The following SIRPG variants were observed in gnomAD, a reference collection of about 807,000 sequenced individuals.
SIRPG encodes the protein signal-regulatory protein gamma.
Under a neutral mutation model 35.7 loss-of-function variants are expected in SIRPG, and 38 were observed. That is an observed-to-expected ratio of 1.06 (90% CI 0.82 to 1.40). The LOEUF (loss-of-function observed/expected upper bound fraction) is 1.40. Ranked by LOEUF, SIRPG falls within the 40% of genes most tolerant of loss-of-function variation. SIRPG has a pLI of 0.00. For missense variants in SIRPG, 519 were observed against 483.0 expected, an observed-to-expected ratio of 1.07 and a Z score of -0.70; for synonymous variants, 215 against 190.4, an observed-to-expected ratio of 1.13 and a Z score of -1.06.
chr20:1,673,591 A>G, the SIRPG span, among the ~76,000 whole-genome samples: 32 of 152,084 alleles, frequency 2.1e-4, no homozygotes, highest in African/African-American at 7.5e-4. Flanking sequence ...AAAGGCTCAA[A>G]CCCTGCTCCC....
At chr20:1,644,004 G>A (rs1568731351) in intron 2 of SIRPG, among the ~76,000 whole-genome samples, 1 of 152,202 alleles carries the variant, frequency 6.6e-6, no homozygotes, top group Non-Finnish European at 1.5e-5. Flanking sequence ...GCACTCCTGT[G>A]TAGGGTGTCC....
the SIRPG span, among the ~76,000 whole-genome samples, chr20:1,673,796 G>T: frequency 5.9e-5 from 9 of 152,360 alleles, no homozygotes; most frequent in African/African-American, 2.2e-4. Flanking sequence ...ATAGGAAACA[G>T]ATTCCTCCAT....
At chr20:1,665,355 A>G in the SIRPG span, 1 of 164,790 alleles carries the variant, frequency 6.1e-6, no homozygotes. Context: ...GCCCAGGAGG[A>G]GAGCTACAAG....
chr20:1,630,567 C>T (rs966265642), intron 4 of SIRPG: 3 of 402,592 alleles, frequency 7.5e-6, no homozygotes, highest in Non-Finnish European at 8.9e-6. Flanking sequence ...GGTATTCATA[C>T]ATGTGGCAAC....
intron 1 of SIRPG, among the ~76,000 whole-genome samples, chr20:1,655,361 C>T (rs1233663135): frequency 6.6e-6 from 1 of 151,864 alleles, no homozygotes; most frequent in African/African-American, 2.4e-5. Context: ...AAAAGGGAAA[C>T]CCTGTCATTT....
chr20:1,673,306 T>A, the SIRPG span, among the ~76,000 whole-genome samples: 1 of 152,132 alleles, frequency 6.6e-6, no homozygotes, highest in Non-Finnish European at 1.5e-5. Context: ...TTAATCTTTT[T>A]AACCCCCCTC....
chr20:1,679,286 T>A, the SIRPG span, among the ~76,000 whole-genome samples: 1 of 152,218 alleles, frequency 6.6e-6, no homozygotes, highest in Admixed American at 6.5e-5. Flanking sequence ...GGTGTACATT[T>A]AAAAAATTCA....
intron 1 of SIRPG, 83 bp from the exon 2 acceptor site, chr20:1,649,491 T>C (rs1053442735): frequency 7.9e-7 from 1 of 1,267,368 alleles, no homozygotes. Context: ...ATTCAGTGAC[T>C]GGGTGCACAT....
At chr20:1,649,437 T>C in intron 1 of SIRPG, 29 bp from the exon 2 acceptor site, 1 of 1,563,632 alleles carries the variant, frequency 6.4e-7, no homozygotes, top group Non-Finnish European at 8.7e-7. Flanking sequence ...CAATCATTTT[T>C]TCATCCTTAC....
At chr20:1,646,003 A>C (rs1265231945) in intron 2 of SIRPG, 1 of 152,220 alleles carries the variant, frequency 6.6e-6, no homozygotes, top group Non-Finnish European at 1.5e-5. Flanking sequence ...TGATTTACAG[A>C]GAGAACCTCA....
At chr20:1,655,020 G>A (rs756139365) in intron 1 of SIRPG, among the ~76,000 whole-genome samples, 5 of 152,180 alleles carry the variant, frequency 3.3e-5, no homozygotes, top group Non-Finnish European at 7.3e-5. Flanking sequence ...TTATCAAAAA[G>A]AGGAAATTTA....
At chr20:1,654,605 T>G (rs1448764199) in intron 1 of SIRPG, among the ~76,000 whole-genome samples, 2 of 152,188 alleles carry the variant, frequency 1.3e-5, no homozygotes, top group African/African-American at 4.8e-5. Context: ...AAGAAAAGTT[T>G]CATGACATTG....
chr20:1,686,429 C>T, the SIRPG span, among the ~76,000 whole-genome samples: 6 of 152,280 alleles, frequency 3.9e-5, no homozygotes, highest in Non-Finnish European at 5.9e-5. Context: ...GAGCCTGCTC[C>T]GTCCAAATAT....
the SIRPG span, among the ~76,000 whole-genome samples, chr20:1,677,966 T>C: frequency 8.5e-5 from 13 of 152,204 alleles, no homozygotes; most frequent in Non-Finnish European, 1.9e-4. Flanking sequence ...TGTGAGATGA[T>C]GGATATGTTC....
the SIRPG span, among the ~76,000 whole-genome samples, chr20:1,668,165 CT>C: frequency 8.8e-5 from 9 of 102,192 alleles, no homozygotes; most frequent in East Asian, 4.8e-4. Context: ...CTTTTCTTTT[CT>C]TTTCTTTTCT....
chr20:1,674,295 A>G, the SIRPG span, among the ~76,000 whole-genome samples: 2 of 151,808 alleles, frequency 1.3e-5, no homozygotes, highest in African/African-American at 4.8e-5. Context: ...CCCAAACCCC[A>G]TGTATCCTTG....
the SIRPG span, among the ~76,000 whole-genome samples, chr20:1,685,506 C>A: frequency 6.6e-6 from 1 of 152,076 alleles, no homozygotes; most frequent in East Asian, 1.9e-4. Flanking sequence ...GTAAGAAAGA[C>A]CTCAGTACAG....
chr20:1,678,262 T>C, the SIRPG span, among the ~76,000 whole-genome samples: 14 of 152,138 alleles, frequency 9.2e-5, no homozygotes, highest in Admixed American at 7.2e-4. Flanking sequence ...CCCACCCTGA[T>C]GCTAGACCAA....
chr20:1,660,151 A>C (rs948984693), upstream of SIRPG, among the ~76,000 whole-genome samples: 4 of 152,240 alleles, frequency 2.6e-5, no homozygotes, highest in Middle Eastern at 3.2e-3. Flanking sequence ...GGCGGGCATG[A>C]GGTAACAACA....
Sources: allele counts gnomAD v4.1 joint callset (sites outside exome capture counted in the v4.1 genomes callset), GRCh38; gene constraint gnomAD v4.1.1; transcripts MANE v1.5; gene names NCBI Gene and HGNC (gene_info 2026-07-23, HGNC 2026-07-21).